MYH4: variants seen among roughly 807,000 people sequenced by gnomAD.
MYH4 encodes myosin heavy chain 4.
MYH4 carries 200 observed loss-of-function variants against 229.9 expected under a neutral mutation model. The ratio of observed to expected loss-of-function variants is 0.87; its 90% CI spans 0.78 to 0.98. The LOEUF (loss-of-function observed/expected upper bound fraction) is 0.98, where lower values mean the gene tolerates loss of function less well. Among genes scored for constraint, MYH4 ranks in the 50% least tolerant of loss-of-function variants. The pLI is 0.00. For missense variants in MYH4, 2,148 were observed against 2,332.6 expected, an observed-to-expected ratio of 0.92 and a Z score of 1.63; for synonymous variants, 761 against 834.6, an observed-to-expected ratio of 0.91 and a Z score of 1.52.
In MYH4 at chr17:10,443,714, A is replaced by G. The variant is rs2072481328; in HGVS notation, c.5668-187T>C. On this transcript the variant is annotated intron_variant, in intron 39 of 39. Coordinates refer to ENST00000255381, the MANE Select transcript of MYH4 (RefSeq NM_017533.2). This position sits in a 1 kb window ranked among gnomAD's most constrained non-coding sequence, Gnocchi z 4.6. Reference sequence around the variant, plus strand: ...GGCGGGTGGATCACCTGAGGTCAGGAATTCGAGACCAGCCTGGCCAACATG... The same window carrying G: ...GGCGGGTGGATCACCTGAGGTCAGGGATTCGAGACCAGCCTGGCCAACATG... 6.6e-6 allele frequency among the ~76,000 whole-genome samples: 1 copy of G among 152,158 alleles called. No individual in the cohort carries two copies. The highest frequency in any genetic ancestry group is 1.5e-5 in the Non-Finnish European group (1 of 68,024).
intron 35 of MYH4, among the ~76,000 whole-genome samples, chr17:10,446,285 C>G (rs1408353712): frequency 6.6e-6 from 1 of 151,940 alleles, no homozygotes; most frequent in Non-Finnish European, 1.5e-5. Context: ...GATAGTAGAA[C>G]ATACAAATTA....
intron 15 of MYH4, 54 bp from the exon 16 acceptor site, chr17:10,457,783 C>G: frequency 6.5e-7 from 1 of 1,537,060 alleles, no homozygotes; most frequent in East Asian, 2.3e-5. Flanking sequence ...AAGTTATGCT[C>G]CATGTAATTG....
chr17:10,452,407 ATAACTTACCTG>A lies in MYH4; in HGVS notation c.3346_3348+8del. ...GTAATGCCCAGAAAAGGTGGAGGTT[ATAACTTACCTG>A]TAATTCTTTGATCTTCTTTTGTAGC... On this transcript the variant is annotated splice_donor_variant and splice_donor_5th_base_variant and coding_sequence_variant and intron_variant, in exon 26 of 40. Coordinates refer to ENST00000255381, the MANE Select transcript of MYH4 (RefSeq NM_017533.2). LOFTEE classifies it high-confidence loss of function. 1 of 1,614,160 alleles carries A rather than the reference ATAACTTACCTG, an allele frequency of 6.2e-7. No homozygotes were observed. Among genetic ancestry groups the A allele is most frequent in the Non-Finnish European group, 8.5e-7 (1 of 1,180,012 alleles).
At chr17:10,467,498 G>A (rs1033880430) in intron 2 of MYH4, among the ~76,000 whole-genome samples, 2 of 152,168 alleles carry the variant, frequency 1.3e-5, no homozygotes, top group African/African-American at 2.4e-5. Context: ...TTGAAAGTCA[G>A]AAGTAGTATC....
intron 27 of MYH4, 62 bp downstream of exon 27, chr17:10,451,879 A>G: frequency 9.7e-6 from 15 of 1,539,858 alleles, no homozygotes; most frequent in Non-Finnish European, 1.3e-5. Context: ...ATAGTCATAT[A>G]TAAACTTGGT....
intron 15 of MYH4, among the ~76,000 whole-genome samples, chr17:10,458,613 C>T (rs182872089): frequency 2.6e-5 from 4 of 152,148 alleles, no homozygotes; most frequent in Admixed American, 6.5e-5. Context: ...TTATTGATAT[C>T]AATAAGTATA....
At position 10,466,576 on chromosome 17, in the gene MYH4, C is replaced by G. The variant is rs371573424; in HGVS notation, c.170G>C (p.Gly57Ala). The change falls in exon 3 of 40, where the codon GGG becomes GCG. Residue 57 changes from glycine to alanine, a missense_variant. By Grantham distance (60) the Gly-to-Ala change is moderately conservative (BLOSUM62 0). Coordinates refer to ENST00000255381, the MANE Select transcript of MYH4 (RefSeq NM_017533.2). Reference protein sequence around the residue: ...YVKAIVQSREGGKVTAKTEAG... With the variant: ...YVKAIVQSREAGKVTAKTEAG... Reference sequence around the variant, plus strand: ...TTCGGTCTTGGCTGTCACCTTCCCCCCTTCCCTGCTCTGCACTATTGCTTT... The same window carrying G: ...TTCGGTCTTGGCTGTCACCTTCCCCGCTTCCCTGCTCTGCACTATTGCTTT... The G allele has an allele frequency of 4.1e-5, 66 of 1,613,794 alleles. No homozygotes were observed. The highest frequency in any genetic ancestry group is 1.7e-4 in the Middle Eastern group (1 of 5,844).
rs750480487 is a variant in MYH4 at position 10,448,170 on chromosome 17, T to C, written c.4657-44A>G. 10 of 1,524,568 alleles carry C rather than the reference T, an allele frequency of 6.6e-6. No individual in the cohort carries two copies. In the African/African-American group the frequency reaches 1.3e-4, roughly 19 times the overall value. The allele number at this position is 1,524,568 out of a possible 1,614,324, so 94.4% of individuals were successfully genotyped here. On this transcript the variant is annotated intron_variant, in intron 33 of 39. Coordinates refer to ENST00000255381, the MANE Select transcript of MYH4 (RefSeq NM_017533.2). ...TATTTAGGTTACCTAAAGAGCTTTT[T>C]ATTTCTTTCACATTATGATAATTTC...
intron 33 of MYH4, 68 bp from the exon 34 acceptor site, chr17:10,448,194 T>TC: frequency 1.4e-6 from 2 of 1,467,916 alleles, no homozygotes; most frequent in Non-Finnish European, 1.8e-6. Flanking sequence ...TATGATAATT[T>TC]CCCCAAGAAG....
Position 10,443,310 on chromosome 17 carries a change from G to T in MYH4, c.*65C>A. On this transcript the variant is annotated 3_prime_UTR_variant, in exon 40 of 40. Transcript: ENST00000255381. This position sits in a 1 kb window ranked among gnomAD's most constrained non-coding sequence, Gnocchi z 4.6. ...AAGATTTTATTTCCTTGATATACAG[G>T]ACAGTGACAAAGAACTTCACATTTC... is the stretch of plus-strand genomic sequence containing the variant. 3 of 1,532,950 alleles carry T rather than the reference G, an allele frequency of 2.0e-6. No individual in the cohort carries two copies. In the South Asian group the frequency reaches 3.4e-5, roughly 17 times the overall value. The allele number at this position is 1,532,950 out of a possible 1,614,324, so 95.0% of individuals were successfully genotyped here.
In MYH4 at chr17:10,453,815, G is replaced by A. The variant is rs778748600; in HGVS notation, c.2762C>T (p.Ala921Val). Residue 921 changes from alanine (A) to valine (V), a missense_variant, in exon 23 of 40, where the codon GCC becomes GTC. Physicochemically the swap from Ala to Val is moderately conservative, Grantham distance 64. Transcript: ENST00000255381. ...QLIKTKIQLE[A>V]KIKEVTERAE... ...TCTTTCAGTTACCTCTTTGATTTTG[G>A]CCTCAAGTTGGATTTTGGTTTTAAT... 1 of 1,613,944 alleles carries A rather than the reference G, an allele frequency of 6.2e-7. No homozygotes were observed. The highest frequency in any genetic ancestry group is 8.5e-7 in the Non-Finnish European group (1 of 1,179,974).
intron 11 of MYH4, among the ~76,000 whole-genome samples, chr17:10,462,337 T>C (rs2072711907): frequency 6.6e-6 from 1 of 152,088 alleles, no homozygotes; most frequent in Admixed American, 6.5e-5. Flanking sequence ...TATAAAGGCT[T>C]ATGGAGTCCC....
At chr17:10,464,834 T>C (rs1479987068) in intron 5 of MYH4, 126 bp from the exon 6 acceptor site, 1 of 904,856 alleles carries the variant, frequency 1.1e-6, no homozygotes, top group African/African-American at 1.7e-5. Context: ...TATGAATTTG[T>C]GCTTTGCTTC....
intron 35 of MYH4, 131 bp from the exon 36 acceptor site, chr17:10,445,493 A>T: frequency 4.1e-6 from 5 of 1,229,576 alleles, no homozygotes; most frequent in Non-Finnish European, 5.7e-6. Context: ...AAATTAGAAG[A>T]TAATTCTAAG....
chr17:10,468,816 G>A (rs2072792801), intron 2 of MYH4, among the ~76,000 whole-genome samples: 1 of 152,188 alleles, frequency 6.6e-6, no homozygotes, highest in Non-Finnish European at 1.5e-5. Context: ...TGGCGGTACT[G>A]GGACATGAGT....
rs748883182 is a variant in MYH4, at chr17:10,443,392, C to T, written c.5803G>A (p.Val1935Ile). The T allele has an allele frequency of 6.2e-7, 1 of 1,614,010 alleles. No individual in the cohort carries two copies. The highest frequency in any genetic ancestry group is 8.5e-7 in the Non-Finnish European group (1 of 1,179,998). Reference sequence around the variant, plus strand: ...AGAATGAATTACTCTTCACTTATGACTTTTGTGTGAACCTCCCGACTCTTC... The same window carrying T: ...AGAATGAATTACTCTTCACTTATGATTTTTGTGTGAACCTCCCGACTCTTC... ...RVKSREVHTK[V>I]ISEE Residue 1935 changes from valine to isoleucine, a missense_variant, in exon 40 of 40, where the codon GTC (valine) becomes ATC (isoleucine). Transcript: ENST00000255381. This position sits in a 1 kb window ranked among gnomAD's most constrained non-coding sequence, Gnocchi z 4.6.
Position 10,452,307 on chromosome 17 carries a change from C to T in MYH4, c.3372G>A (p.Glu1124=), listed in dbSNP as rs2072585747. The change falls in exon 27 of 40, where the codon GAG becomes GAA. Residue 1124 remains glutamate, a synonymous_variant. Coordinates refer to ENST00000255381, the MANE Select transcript of MYH4 (RefSeq NM_017533.2). ...ELQARIEELE[E]EIEAERASRA... is the part of the protein sequence containing the mutation. ...GGGAGGCCCGCTCTGCCTCGATTTC[C>T]TCCTCCAGCTCCTCAATGCGGGCCT... 6.8e-6 allele frequency: 11 copies of T among 1,614,044 alleles called. No individual in the cohort carries two copies. The highest frequency in any genetic ancestry group is 2.7e-5 in the African/African-American group (2 of 74,922).
Position 10,452,158 on chromosome 17 carries a change from T to G in MYH4, c.3521A>C (p.Glu1174Ala). 6.2e-7 allele frequency: 1 copy of G among 1,614,050 alleles called. No homozygotes were observed. Among genetic ancestry groups the G allele is most frequent in the Non-Finnish European group, 8.5e-7 (1 of 1,180,028 alleles). ...CAGGTCCCTGCGCATTTTCTGGAAC[T>G]CAGCCTCCCGCTTCTTGTTCATCTC... ...QIEMNKKREA[E>A]FQKMRRDLEE... is the part of the protein sequence containing the mutation. Residue 1174 changes from glutamate to alanine, a missense_variant, in exon 27 of 40, where the codon GAG (glutamate) becomes GCG (alanine). Glu to Ala is a moderately radical substitution (Grantham distance 107). Transcript: ENST00000255381.
rs1236140004 is a variant in MYH4 at position 10,455,257 on chromosome 17, T to A, written c.2213A>T (p.Gln738Leu). The change falls in exon 20 of 40, where the codon CAG becomes CTG. Residue 738 changes from glutamine to leucine, a missense_variant. Physicochemically the swap from Gln to Leu is moderately radical, Grantham distance 113. Transcript: ENST00000255381. ...AGAAGCCTTCTTGCTGTCAATGAAC[T>A]GACCCTCTGGGATAGCACTCGCATT... is the stretch of plus-strand genomic sequence containing the variant. ...VLNASAIPEG[Q>L]FIDSKKASEK... The A allele has an allele frequency of 3.7e-6, 6 of 1,613,952 alleles. No homozygotes were observed. The highest frequency in any genetic ancestry group is 5.1e-6 in the Non-Finnish European group (6 of 1,179,856).
Sources: allele counts gnomAD v4.1 joint callset (sites outside exome capture counted in the v4.1 genomes callset), GRCh38; gene constraint gnomAD v4.1.1; non-coding constraint Gnocchi (gnomAD v3.1); transcripts MANE v1.5; gene names NCBI Gene and HGNC (gene_info 2026-07-23, HGNC 2026-07-21).